Variants in VRK2 observed in about 807,000 individuals in gnomAD.
VRK2 encodes serine/threonine-protein kinase VRK2.
A neutral mutation model predicts 57.6 loss-of-function variants in VRK2; 60 were observed. The observed-to-expected ratio is 1.04, with a 90% CI of 0.85 to 1.29. The LOEUF is 1.29. Ranked by LOEUF, VRK2 falls within the 50% of genes most tolerant of loss-of-function variation. The pLI is 0.00. For missense variants in VRK2, 705 were observed against 588.1 expected (o/e 1.20, Z -2.06); for synonymous variants, 231 against 199.2 (o/e 1.16, Z -1.35).
intron 7 of VRK2, among the ~76,000 whole-genome samples, chr2:58,117,521 G>T (rs1045970938): frequency 6.6e-6 from 1 of 152,114 alleles, no homozygotes; most frequent in Non-Finnish European, 1.5e-5. Context: ...GACGCTTGGG[G>T]TTGGGACTGA....
At chr2:57,951,660 A>G (rs1027410112) in intron 1 of VRK2, among the ~76,000 whole-genome samples, 1 of 152,190 alleles carries the variant, frequency 6.6e-6, no homozygotes, top group Admixed American at 6.5e-5. Context: ...TGTCATCATC[A>G]GCAGTCATGT....
intron 2 of VRK2, among the ~76,000 whole-genome samples, chr2:58,079,819 A>G (rs1012187903): frequency 1.4e-4 from 22 of 151,998 alleles, no homozygotes; most frequent in African/African-American, 5.1e-4. Flanking sequence ...AGAAGCCATA[A>G]TATGGTTGCT....
At chr2:57,949,475 T>G (rs1671359065) in intron 1 of VRK2, among the ~76,000 whole-genome samples, 1 of 152,184 alleles carries the variant, frequency 6.6e-6, no homozygotes, top group Non-Finnish European at 1.5e-5. Flanking sequence ...GATATCATTA[T>G]TGTAATTGTT....
chr2:57,916,487 A>C (rs906842167), intron 1 of VRK2, among the ~76,000 whole-genome samples: 10 of 151,938 alleles, frequency 6.6e-5, no homozygotes, highest in Admixed American at 1.3e-4. Context: ...ATTTAACTTC[A>C]GGTTAGCCTA....
intron 12 of VRK2, among the ~76,000 whole-genome samples, chr2:58,156,496 ACTTTAC>A (rs542859281): frequency 6.7e-4 from 102 of 152,228 alleles, no homozygotes; most frequent in Non-Finnish European, 1.2e-3. Flanking sequence ...ATGTTAGAAT[ACTTTAC>A]CTTTTTCATA....
At chr2:57,923,363 T>C (rs956765592) in intron 1 of VRK2, among the ~76,000 whole-genome samples, 1 of 151,998 alleles carries the variant, frequency 6.6e-6, no homozygotes, top group African/African-American at 2.4e-5. Flanking sequence ...ATGAGGGTTC[T>C]CTTTTCTCCA....
intron 1 of VRK2, among the ~76,000 whole-genome samples, chr2:57,922,023 T>C (rs2717008): frequency 0.33 from 50,052 of 151,900 alleles, 8,779 homozygotes; most frequent in East Asian, 0.41. Flanking sequence ...CTGTAAACTC[T>C]AAAATCTTGT....
intron 1 of VRK2, among the ~76,000 whole-genome samples, chr2:57,994,545 T>G (rs1036125088): frequency 6.6e-6 from 1 of 152,124 alleles, no homozygotes. Context: ...CTCTGAAAGA[T>G]CGAGAAACAA....
intron 2 of VRK2, among the ~76,000 whole-genome samples, chr2:58,031,717 A>T (rs1204439216): frequency 6.6e-6 from 1 of 152,076 alleles, no homozygotes; most frequent in Non-Finnish European, 1.5e-5. Flanking sequence ...GGACTTTCAG[A>T]GGCTTTTGTT....
chr2:57,964,836 C>A (rs549671449), intron 1 of VRK2, among the ~76,000 whole-genome samples: 4 of 125,154 alleles, frequency 3.2e-5, no homozygotes, highest in African/African-American at 1.2e-4. Flanking sequence ...GTCAATATTG[C>A]ACCACTGCAC....
intron 2 of VRK2, among the ~76,000 whole-genome samples, chr2:58,081,116 GCT>G (rs1670803313): frequency 6.6e-6 from 1 of 151,928 alleles, no homozygotes; most frequent in Admixed American, 6.6e-5. Context: ...ATGGCCTGCT[GCT>G]CTGTTTTGGT....
At chr2:58,053,146 G>T (rs1326977591) in intron 2 of VRK2, among the ~76,000 whole-genome samples, 2 of 152,108 alleles carry the variant, frequency 1.3e-5, no homozygotes, top group African/African-American at 4.8e-5. Flanking sequence ...GTCACTCTTC[G>T]ATCTACTGCA....
intron 2 of VRK2, among the ~76,000 whole-genome samples, chr2:58,029,806 A>G (rs1220120900): frequency 6.6e-6 from 1 of 152,118 alleles, no homozygotes; most frequent in African/African-American, 2.4e-5. Context: ...ATCTAGATGA[A>G]GAAGGCACAT....
intron 2 of VRK2, among the ~76,000 whole-genome samples, chr2:58,081,651 A>G (rs561140450): frequency 6.4e-4 from 98 of 152,000 alleles, no homozygotes; most frequent in African/African-American, 2.2e-3. Context: ...TTTTTTGGAT[A>G]ACTCAAGGGC....
chr2:58,098,759 G>A (rs911325517), intron 7 of VRK2, among the ~76,000 whole-genome samples: 1 of 152,018 alleles, frequency 6.6e-6, no homozygotes, highest in Non-Finnish European at 1.5e-5. Flanking sequence ...ATTAAGCAAT[G>A]CATGACTATA....
chr2:58,019,987 T>A (rs983755979), intron 1 of VRK2, among the ~76,000 whole-genome samples: 1 of 151,686 alleles, frequency 6.6e-6, no homozygotes, highest in Non-Finnish European at 1.5e-5. Context: ...CAACGTGACA[T>A]AACTACGAAT....
chr2:58,082,855 A>G (rs1671085784), intron 2 of VRK2, among the ~76,000 whole-genome samples: 1 of 151,858 alleles, frequency 6.6e-6, no homozygotes, highest in Non-Finnish European at 1.5e-5. Flanking sequence ...AGCATTACTG[A>G]TAATTAAAAA....
chr2:57,931,855 A>G lies in VRK2; in HGVS notation c.-439+24016A>G, dbSNP rs1472748901. Among the ~76,000 whole-genome samples the G allele has an allele frequency of 3.3e-5, 5 of 151,450 alleles. No homozygotes were observed. The East Asian group carries it at 7.7e-4, about 23-fold the overall frequency. On this transcript the variant is annotated intron_variant, in intron 1 of 15. Transcript: ENST00000417641. ...GGTATATGTATATTCAGTTTCCTCA[A>G]CATCATTTATGGAAGAGACTACCTT... is the stretch of plus-strand genomic sequence containing the variant.
At chr2:58,000,764 C>A (rs994963083) in intron 1 of VRK2, among the ~76,000 whole-genome samples, 1 of 152,132 alleles carries the variant, frequency 6.6e-6, no homozygotes, top group African/African-American at 2.4e-5. Context: ...TTTGCAATAG[C>A]AATATATCTT....
Sources: gnomAD v4.1 joint callset for allele counts (sites outside exome capture counted in the v4.1 genomes callset) on GRCh38, gnomAD v4.1.1 for gene constraint, MANE v1.5 for transcripts, NCBI Gene and HGNC (gene_info 2026-07-23, HGNC 2026-07-21) for gene names.